Variants in LCA5L observed in about 807,000 individuals in gnomAD.
The protein encoded by LCA5L is lebercilin-like protein.
LCA5L carries 35 observed loss-of-function variants against 45.4 expected under a neutral mutation model. The observed-to-expected ratio is 0.77, with a 90% CI of 0.59 to 1.02. The LOEUF is 1.02. Among genes scored for constraint, LCA5L ranks in the 50% least tolerant of loss-of-function variants. The pLI, the probability that LCA5L is intolerant of heterozygous loss-of-function variation, is 0.00. For missense variants in LCA5L, 668 were observed against 761.6 expected (o/e 0.88, Z 1.45); for synonymous variants, 233 against 264.7 (o/e 0.88, Z 1.16).
chr21:39,432,349 T>C (rs1274126072), intron 3 of LCA5L, among the ~76,000 whole-genome samples: 1 of 152,280 alleles, frequency 6.6e-6, no homozygotes, highest in East Asian at 1.9e-4. Flanking sequence ...TGGGACCAGA[T>C]GATAATAACA....
rs191386926 is a variant in LCA5L, at chr21:39,441,320, C to A, written c.-246+2815G>T. 7.3e-5 allele frequency among the ~76,000 whole-genome samples: 11 copies of A among 151,646 alleles called. No homozygotes were observed. The East Asian group carries it at 1.7e-3, about 24-fold the overall frequency. ...GACCCTGTTTCAAAACCAAAAAAAA[C>A]CAAACGAACAAAACACTGATTGAGA... is the stretch of plus-strand genomic sequence containing the variant. On this transcript the variant is annotated intron_variant, in intron 2 of 10. Coordinates refer to ENST00000288350, the MANE Select transcript of LCA5L (RefSeq NM_152505.4).
intron 10 of LCA5L, among the ~76,000 whole-genome samples, chr21:39,407,583 G>A (rs1389770413): frequency 1.3e-5 from 2 of 152,152 alleles, no homozygotes; most frequent in Non-Finnish European, 2.9e-5. Context: ...GGTATGGCAC[G>A]TGCAGTCTGT....
intron 3 of LCA5L, among the ~76,000 whole-genome samples, chr21:39,433,927 CTTTTTTTTT>C (rs10574659): frequency 1.0e-5 from 1 of 95,826 alleles, no homozygotes; most frequent in African/African-American, 4.0e-5. Flanking sequence ...CCACATCCAG[CTTTTTTTTT>C]TTTTTTTTTT....
At chr21:39,412,313 C>CG (rs771931249) in intron 7 of LCA5L, among the ~76,000 whole-genome samples, 98 of 152,046 alleles carry the variant, frequency 6.4e-4, no homozygotes, top group African/African-American at 2.1e-3. Context: ...AGACAAGGGC[C>CG]GGGGGGGAAG....
chr21:39,436,507 A>C (rs774256544), intron 2 of LCA5L, among the ~76,000 whole-genome samples: 1 of 152,082 alleles, frequency 6.6e-6, no homozygotes, highest in Non-Finnish European at 1.5e-5. Flanking sequence ...TTTGAGATGG[A>C]GTCTCACTGT....
At chr21:39,441,274 C>T (rs553349673) in intron 2 of LCA5L, among the ~76,000 whole-genome samples, 13 of 152,224 alleles carry the variant, frequency 8.5e-5, no homozygotes, top group South Asian at 4.1e-4. Flanking sequence ...CAACTACATT[C>T]CAGCCTGAGG....
chr21:39,436,566 C>T (rs1260987276), intron 2 of LCA5L, among the ~76,000 whole-genome samples: 4 of 152,126 alleles, frequency 2.6e-5, no homozygotes, highest in East Asian at 1.9e-4. Flanking sequence ...ACTGCAGTCT[C>T]GACCTCCTGG....
intron 6 of LCA5L, 45 bp downstream of exon 6, chr21:39,422,931 A>G (rs1174373174): frequency 1.9e-6 from 3 of 1,567,248 alleles, no homozygotes; most frequent in African/African-American, 1.4e-5. Flanking sequence ...CCCTCTCTCT[A>G]TTAACTTTGG....
chr21:39,440,096 C>T lies in LCA5L; in HGVS notation c.-246+4039G>A, dbSNP rs565177609. On this transcript the variant is annotated intron_variant, in intron 2 of 10. Coordinates refer to ENST00000288350, the MANE Select transcript of LCA5L (RefSeq NM_152505.4). ...ATATACATATGTATGTATATGTGTGCGTGTATTTTTCCCCTAACTCTGCTG... is the reference window on the plus strand; with the variant it reads ...ATATACATATGTATGTATATGTGTGTGTGTATTTTTCCCCTAACTCTGCTG... 1.1e-3 allele frequency among the ~76,000 whole-genome samples: 162 copies of T among 152,130 alleles called. No homozygotes were observed. In the Middle Eastern group the frequency reaches 0.037, roughly 35 times the overall value.
Position 39,405,939 on chromosome 21 carries a change from C to T in LCA5L, c.1956G>A (p.Val652=). The T allele has an allele frequency of 6.2e-7, 1 of 1,612,314 alleles. No homozygotes were observed. The highest frequency in any genetic ancestry group is 8.5e-7 in the Non-Finnish European group (1 of 1,178,816). ...GTGACGATGGCTTAATAGAATTTAC[C>T]ACAGTTACTTTAGAGTCTCCGAAAG... ...SHAFGDSKVT[V]VNSIKPSSPT... The change falls in exon 11 of 11, where the codon GTG becomes GTA. Residue 652 remains valine, a synonymous_variant. Transcript: ENST00000288350.
intron 5 of LCA5L, among the ~76,000 whole-genome samples, chr21:39,424,822 C>T (rs1161337790): frequency 1.3e-5 from 2 of 152,188 alleles, no homozygotes; most frequent in African/African-American, 4.8e-5. Flanking sequence ...AACAAAAAGT[C>T]TCTAAAAATT....
At position 39,410,108 on chromosome 21, in the gene LCA5L, A is replaced by G; in HGVS notation, c.1165-12T>C. ...GTTGCCTTTTTACCCTGTAATTTAG[A>G]AAAGCAGCAAAAACACATTTTGGGG... On this transcript the variant is annotated splice_polypyrimidine_tract_variant and intron_variant, in intron 9 of 10. Coordinates refer to ENST00000288350, the MANE Select transcript of LCA5L (RefSeq NM_152505.4). 1 of 1,555,470 alleles carries G rather than the reference A, an allele frequency of 6.4e-7. No individual in the cohort carries two copies. The highest frequency in any genetic ancestry group is 1.1e-5 in the South Asian group (1 of 88,976).
chr21:39,412,614 A>G (rs2040297058), intron 7 of LCA5L, among the ~76,000 whole-genome samples: 1 of 151,286 alleles, frequency 6.6e-6, no homozygotes, highest in East Asian at 1.9e-4. Context: ...ACACACACAC[A>G]CACACGGGGG....
In LCA5L at chr21:39,420,778, C is replaced by G. The variant is rs753785112; in HGVS notation, c.903G>C (p.Arg301=). 3 of 1,613,632 alleles carry G rather than the reference C, an allele frequency of 1.9e-6. No homozygotes were observed. The highest frequency in any genetic ancestry group is 2.5e-6 in the Non-Finnish European group (3 of 1,179,728). ...AFSRQLAIET[R]KTLAAQTATK... Reference sequence around the variant, plus strand: ...TAGCTGTCTGAGCTGCTAAAGTCTTCCGAGTCTCAATAGCCAGCTGCCGGC... The same window carrying G: ...TAGCTGTCTGAGCTGCTAAAGTCTTGCGAGTCTCAATAGCCAGCTGCCGGC... The change falls in exon 7 of 11, where the codon CGG becomes CGC. Residue 301 remains arginine (R), a synonymous_variant. Coordinates refer to ENST00000288350, the MANE Select transcript of LCA5L (RefSeq NM_152505.4).
chr21:39,406,518 GTT>G lies in LCA5L; in HGVS notation c.1375_1376del (p.Asn459HisfsTer15). 6.2e-7 allele frequency: 1 copy of G among 1,613,104 alleles called. No individual in the cohort carries two copies. The highest frequency in any genetic ancestry group is 2.2e-5 in the East Asian group (1 of 44,876). ...KDKKEDQEKK[N>X]IFVKEEQELP... ...GTTCTTGCTCTTCTTTCACAAAAATGTTTTTCTTTTCTTGGTCTTCTTTTTTG... is the reference window on the plus strand; with the variant it reads ...GTTCTTGCTCTTCTTTCACAAAAATGTTTCTTTTCTTGGTCTTCTTTTTTG... On this transcript the variant is annotated frameshift_variant, in exon 11 of 11. Transcript: ENST00000288350. LOFTEE classifies it low-confidence loss of function (END_TRUNC).
intron 2 of LCA5L, among the ~76,000 whole-genome samples, chr21:39,439,990 T>C (rs2076659073): frequency 6.6e-6 from 1 of 152,194 alleles, no homozygotes; most frequent in Non-Finnish European, 1.5e-5. Flanking sequence ...TAGGTTCAAA[T>C]ACACACACAT....
chr21:39,406,710 G>A, intron 10 of LCA5L, 98 bp from the exon 11 acceptor site: 3 of 892,330 alleles, frequency 3.4e-6, no homozygotes, highest in South Asian at 1.8e-5. Flanking sequence ...CGCCTCACAA[G>A]CACACTGAAA....
intron 7 of LCA5L, among the ~76,000 whole-genome samples, chr21:39,417,002 A>G (rs936227471): frequency 6.6e-6 from 1 of 152,132 alleles, no homozygotes; most frequent in African/African-American, 2.4e-5. Context: ...ATTTGGGTTC[A>G]TCTGCATTTT....
intron 8 of LCA5L, among the ~76,000 whole-genome samples, 155 bp downstream of exon 8, chr21:39,411,563 C>A (rs375402416): frequency 6.6e-6 from 1 of 152,132 alleles, no homozygotes; most frequent in African/African-American, 2.4e-5. Context: ...AGCCATGTCA[C>A]CATCTCAGTC....
Sources: gnomAD v4.1 joint callset for allele counts (sites outside exome capture counted in the v4.1 genomes callset) on GRCh38, gnomAD v4.1.1 for gene constraint, MANE v1.5 for transcripts, NCBI Gene and HGNC (gene_info 2026-07-23, HGNC 2026-07-21) for gene names.